Variants in SCGB1A1 observed in about 807,000 individuals in gnomAD.
SCGB1A1 encodes uteroglobin.
In SCGB1A1, 8 loss-of-function variants were observed where a neutral mutation model predicts 7.5. The ratio of observed to expected loss-of-function variants is 1.07; its 90% CI spans 0.63 to 1.92. SCGB1A1 has a LOEUF of 1.92. Ranked by LOEUF, SCGB1A1 falls within the 30% of genes most tolerant of loss-of-function variation. The probability of loss-of-function intolerance (pLI) is 0.00; values close to 1 mark genes in which losing one functional copy is unlikely to be tolerated. For missense variants in SCGB1A1, 121 were observed against 112.7 expected (o/e 1.07, Z -0.33); for synonymous variants, 44 against 40.8 (o/e 1.08, Z -0.30).
At position 62,423,108 on chromosome 11, in the gene SCGB1A1, A is replaced by T. The variant is rs1177052639; in HGVS notation, c.*17A>T. The T allele has an allele frequency of 6.2e-7, 1 of 1,613,500 alleles. No homozygotes were observed. Among genetic ancestry groups the T allele is most frequent in the Admixed American group, 1.7e-5 (1 of 60,006 alleles). On this transcript the variant is annotated 3_prime_UTR_variant, in exon 3 of 3. Transcript: ENST00000278282. Reference sequence around the variant, plus strand: ...TGTAATTAGCATTTAGAAGCTGAAGATCCCCAACTGCTCCAGCCTCTGCCG... The same window carrying T: ...TGTAATTAGCATTTAGAAGCTGAAGTTCCCCAACTGCTCCAGCCTCTGCCG...
In SCGB1A1 at chr11:62,422,316, C is replaced by T; in HGVS notation, c.151C>T (p.Pro51Ser). The T allele has an allele frequency of 6.2e-7, 1 of 1,614,112 alleles. No homozygotes were observed. The highest frequency in any genetic ancestry group is 8.5e-7 in the Non-Finnish European group (1 of 1,180,002). ...TGAGGCTGCCATGGAACTTTTCAGC[C>T]CTGATCAAGACATGAGGGAGGCAGG... is the stretch of plus-strand genomic sequence containing the variant. ...SYEAAMELFS[P>S]DQDMREAGAQ... The change falls in exon 2 of 3, where the codon CCT becomes TCT. Residue 51 changes from proline to serine, a missense_variant. Transcript: ENST00000278282.
Position 62,423,115 on chromosome 11 carries a change from A to C in SCGB1A1, c.*24A>C. 3.1e-6 allele frequency: 5 copies of C among 1,612,698 alleles called. No individual in the cohort carries two copies. Among genetic ancestry groups the C allele is most frequent in the Non-Finnish European group, 4.2e-6 (5 of 1,178,808 alleles). ...AGCATTTAGAAGCTGAAGATCCCCA[A>C]CTGCTCCAGCCTCTGCCGCTGCCAT... On this transcript the variant is annotated 3_prime_UTR_variant, in exon 3 of 3. Transcript: ENST00000278282.
At chr11:62,421,383 C>G (rs2509970) in intron 1 of SCGB1A1, among the ~76,000 whole-genome samples, 112,185 of 152,016 alleles carry the variant, frequency 0.74, 42,166 homozygotes, top group African/African-American at 0.9. Flanking sequence ...ACAGGGCCCG[C>G]TGTGCACATG....
chr11:62,420,346 G>T (rs1011447338), intron 1 of SCGB1A1, among the ~76,000 whole-genome samples: 1 of 133,736 alleles, frequency 7.5e-6, no homozygotes, highest in Non-Finnish European at 1.5e-5. Flanking sequence ...ACAGAGTCTC[G>T]CTCTGTTGCC....
intron 2 of SCGB1A1, 52 bp downstream of exon 2, chr11:62,422,460 G>C: frequency 6.6e-7 from 1 of 1,512,758 alleles, no homozygotes; most frequent in Non-Finnish European, 9.0e-7. Flanking sequence ...CCCCAAGTGG[G>C]GCTGCAGGAT....
In SCGB1A1 at chr11:62,419,170, TC is replaced by T; in HGVS notation, c.55+23del. 2 of 1,506,278 alleles carry T rather than the reference TC, an allele frequency of 1.3e-6. No individual in the cohort carries two copies. The highest frequency in any genetic ancestry group is 1.8e-6 in the Non-Finnish European group (2 of 1,118,428). The allele number at this position is 1,506,278 out of a possible 1,614,324, so 93.3% of individuals were successfully genotyped here. A position where few individuals can be genotyped will look rare whatever the true frequency, so the allele number is the denominator to read the frequency against. ...GCTCCGGTGAGTGCTCAGAGACCCT[TC>T]CCTCCCTCCTGGACTTAGGAACTCT... On this transcript the variant is annotated intron_variant, in intron 1 of 2. Transcript: ENST00000278282.
chr11:62,419,073 C>A lies in SCGB1A1; in HGVS notation c.-23C>A. On this transcript the variant is annotated 5_prime_UTR_variant, in exon 1 of 3. Transcript: ENST00000278282. The stretch of plus-strand genomic sequence containing the variant: ...ACTCAGAGACGGAACCAGAGACGGG[C>A]CAGAGCATCCCCCTCCTCCACCATG... 1 of 1,579,364 alleles carries A rather than the reference C, an allele frequency of 6.3e-7. No homozygotes were observed. The highest frequency in any genetic ancestry group is 8.6e-7 in the Non-Finnish European group (1 of 1,160,566).
At position 62,423,155 on chromosome 11, in the gene SCGB1A1, C is replaced by A; in HGVS notation, c.*64C>A. 6.6e-7 allele frequency: 1 copy of A among 1,518,362 alleles called. No homozygotes were observed. The highest frequency in any genetic ancestry group is 9.1e-7 in the Non-Finnish European group (1 of 1,093,270). 94.1% of individuals were successfully genotyped at this position (1,518,362 alleles called of 1,614,324 possible). ...GCCGCTGCCATGCTTTGAGTCCACGCCCACCAGCCTTGCTCTCTTCAATAA... is the reference window on the plus strand; with the variant it reads ...GCCGCTGCCATGCTTTGAGTCCACGACCACCAGCCTTGCTCTCTTCAATAA... On this transcript the variant is annotated 3_prime_UTR_variant, in exon 3 of 3. Coordinates refer to ENST00000278282, the MANE Select transcript of SCGB1A1 (RefSeq NM_003357.5).
intron 1 of SCGB1A1, among the ~76,000 whole-genome samples, chr11:62,420,057 A>G (rs1367612944): frequency 6.6e-6 from 1 of 152,230 alleles, no homozygotes; most frequent in African/African-American, 2.4e-5. Flanking sequence ...AGCAGTAGGA[A>G]CAACTATTTT....
rs540242212 is a variant in SCGB1A1 at position 62,419,819 on chromosome 11, G to A, written c.55+669G>A. 3.0e-4 allele frequency among the ~76,000 whole-genome samples: 46 copies of A among 152,286 alleles called. No homozygotes were observed. In the South Asian group the frequency reaches 9.3e-3, roughly 31 times the overall value. On this transcript the variant is annotated intron_variant, in intron 1 of 2. Transcript: ENST00000278282. ...GCAGAAAGAGAGACGGAGAGAGGGG[G>A]AGAAAGGAAGGAAAGAAGGATCACA...
intron 1 of SCGB1A1, among the ~76,000 whole-genome samples, chr11:62,421,012 ATTG>A (rs1452291046): frequency 1.3e-5 from 2 of 152,246 alleles, no homozygotes; most frequent in East Asian, 3.9e-4. Flanking sequence ...AAGTAGGGAT[ATTG>A]TTCCCATTTT....
chr11:62,420,391 G>A (rs1937756775), intron 1 of SCGB1A1, among the ~76,000 whole-genome samples: 1 of 145,456 alleles, frequency 6.9e-6, no homozygotes, highest in Admixed American at 7.0e-5. Context: ...TCAGCTCACT[G>A]CAACCTCCGC....
intron 1 of SCGB1A1, among the ~76,000 whole-genome samples, chr11:62,419,840 T>A (rs1937736957): frequency 6.6e-6 from 1 of 152,126 alleles, no homozygotes; most frequent in Non-Finnish European, 1.5e-5. Flanking sequence ...GAAAGAAGGA[T>A]CACAGCTCTC....
chr11:62,422,361 G>T lies in SCGB1A1; in HGVS notation c.196G>T (p.Val66Leu). Residue 66 changes from valine to leucine, a missense_variant, in exon 2 of 3, where the codon GTG becomes TTG. Physicochemically the swap from Val to Leu is conservative, Grantham distance 32. Coordinates refer to ENST00000278282, the MANE Select transcript of SCGB1A1 (RefSeq NM_003357.5). ...REAGAQLKKL[V>L]DTLPQKPRES... ...GGCAGGGGCTCAGCTGAAGAAGCTG[G>T]TGGACACCCTCCCCCAAAAGCCCAG... is the stretch of plus-strand genomic sequence containing the variant. The T allele has an allele frequency of 6.2e-7, 1 of 1,613,990 alleles. No individual in the cohort carries two copies. Among genetic ancestry groups the T allele is most frequent in the Non-Finnish European group, 8.5e-7 (1 of 1,179,944 alleles).
intron 1 of SCGB1A1, among the ~76,000 whole-genome samples, chr11:62,420,826 T>A (rs1474799689): frequency 6.6e-6 from 1 of 151,442 alleles, no homozygotes; most frequent in Non-Finnish European, 1.5e-5. Flanking sequence ...TCCCAGCTAC[T>A]TGGGAGGCCG....
chr11:62,419,279 A>T, intron 1 of SCGB1A1, 129 bp downstream of exon 1: 1 of 702,922 alleles, frequency 1.4e-6, no homozygotes, highest in Non-Finnish European at 2.0e-6. Flanking sequence ...GGGCATGCTG[A>T]GTCTCAGAAA....
chr11:62,422,475 CCA>C (rs1464749101), intron 2 of SCGB1A1, 67 bp downstream of exon 2: 4 of 1,433,980 alleles, frequency 2.8e-6, no homozygotes, highest in African/African-American at 2.8e-5. Context: ...CAGGATTGCC[CCA>C]GTTTTCAGAC....
intron 1 of SCGB1A1, among the ~76,000 whole-genome samples, chr11:62,420,982 A>T (rs752323424): frequency 2.4e-4 from 36 of 151,974 alleles, no homozygotes; most frequent in Non-Finnish European, 4.6e-4. Flanking sequence ...ATTAAAATTT[A>T]AAAAATAAAA....
intron 1 of SCGB1A1, chr11:62,421,991 C>T (rs1270131166): frequency 2.7e-6 from 1 of 371,516 alleles, no homozygotes; most frequent in Non-Finnish European, 4.9e-6. Context: ...ATGATCAATA[C>T]TCTGCCTTGA....
Sources: gnomAD v4.1 joint callset for allele counts (sites outside exome capture counted in the v4.1 genomes callset) on GRCh38, gnomAD v4.1.1 for gene constraint, MANE v1.5 for transcripts, NCBI Gene and HGNC (gene_info 2026-07-23, HGNC 2026-07-21) for gene names.